PRH1: variants seen among roughly 807,000 people sequenced by gnomAD.
The protein encoded by PRH1 is salivary acidic proline-rich phosphoprotein 1/2.
PRH1 carries 7 observed loss-of-function variants against 7.9 expected under a neutral mutation model. That is an observed-to-expected ratio of 0.89 (90% CI 0.50 to 1.67). The LOEUF (loss-of-function observed/expected upper bound fraction) is 1.67, where lower values mean the gene tolerates loss of function less well. PRH1 is among the 40% of genes most tolerant of loss of function. PRH1 has a pLI of 0.00. For missense variants in PRH1, 109 were observed against 223.6 expected (o/e 0.49, Z 3.27); for synonymous variants, 45 against 80.8 (o/e 0.56, Z 2.38).
intron 1 of PRH1, among the ~76,000 whole-genome samples, chr12:11,132,742 TTC>T (rs1946397574): frequency 6.6e-6 from 1 of 152,260 alleles, no homozygotes; most frequent in South Asian, 2.1e-4. Context: ...GTAACAATAA[TTC>T]TGATTGCTTT....
At chr12:11,027,804 T>A (rs540476951) in intron 1 of PRH1, among the ~76,000 whole-genome samples, 6 of 152,272 alleles carry the variant, frequency 3.9e-5, no homozygotes, top group African/African-American at 1.2e-4. Flanking sequence ...GGAGAGCAAA[T>A]CCCTATGGAA....
At chr12:11,072,338 A>G (rs76291292) in intron 1 of PRH1, among the ~76,000 whole-genome samples, 1 of 151,406 alleles carries the variant, frequency 6.6e-6, no homozygotes, top group Non-Finnish European at 1.5e-5. Flanking sequence ...TGACTCATGT[A>G]CATCCCAAGG....
intron 1 of PRH1, among the ~76,000 whole-genome samples, chr12:11,093,500 C>T (rs1426662297): frequency 8.6e-6 from 1 of 115,890 alleles, no homozygotes; most frequent in African/African-American, 2.9e-5. Flanking sequence ...GTCCTATTTT[C>T]CCGGGTTTTC....
intron 1 of PRH1, among the ~76,000 whole-genome samples, chr12:10,979,451 A>T (rs1939252036): frequency 1.3e-5 from 2 of 152,184 alleles, no homozygotes; most frequent in Admixed American, 1.3e-4. Context: ...AGTGACACAA[A>T]GGCCAATGTT....
At chr12:11,019,929 A>G (rs1341996987) in intron 1 of PRH1, among the ~76,000 whole-genome samples, 1 of 152,284 alleles carries the variant, frequency 6.6e-6, no homozygotes, top group Non-Finnish European at 1.5e-5. Flanking sequence ...CCCTGTGCAA[A>G]TATACCAAAA....
At chr12:11,067,595 C>T (rs1172177700) in intron 1 of PRH1, among the ~76,000 whole-genome samples, 1 of 152,314 alleles carries the variant, frequency 6.6e-6, no homozygotes, top group Non-Finnish European at 1.5e-5. Context: ...GGTCTAGTGG[C>T]TCACATCTGT....
rs1943399078 is a variant in PRH1 at position 11,057,182 on chromosome 12, T to G, written n.124-9994A>C. Reference sequence around the variant, plus strand: ...GCACCACGCCAGCTAATTTTTCAATTTTTTGTAGACATGGAGTTTCCATAT... The same window carrying G: ...GCACCACGCCAGCTAATTTTTCAATGTTTTGTAGACATGGAGTTTCCATAT... On this transcript the variant is annotated intron_variant and non_coding_transcript_variant, in intron 1 of 4. Transcript: ENST00000541977. 4.6e-5 allele frequency among the ~76,000 whole-genome samples: 7 copies of G among 152,084 alleles called. No individual in the cohort carries two copies. In the South Asian group the frequency reaches 1.5e-3, roughly 32 times the overall value.
rs568876081 is a variant in PRH1, at chr12:11,133,417, T to A, written n.40-12237A>T. ...TCTTGTTTCCCAAAATCAGGATGAA[T>A]GGGTGGGTTGAAGGATAGCTGAATA... is the stretch of plus-strand genomic sequence containing the variant. On this transcript the variant is annotated intron_variant and non_coding_transcript_variant, in intron 1 of 1. Transcript: ENST00000541175. 35 of 1,591,190 alleles carry A rather than the reference T, an allele frequency of 2.2e-5. No homozygotes were observed. In the East Asian group the frequency reaches 6.5e-4, roughly 30 times the overall value.
chr12:10,987,729 T>C (rs1939723899), intron 1 of PRH1, among the ~76,000 whole-genome samples: 1 of 152,036 alleles, frequency 6.6e-6, no homozygotes, highest in Non-Finnish European at 1.5e-5. Context: ...ATCAAACATA[T>C]CTTTCATGCT....
chr12:11,124,166 C>A (rs550379505), intron 1 of PRH1, among the ~76,000 whole-genome samples: 1 of 152,334 alleles, frequency 6.6e-6, no homozygotes, highest in South Asian at 2.1e-4. Flanking sequence ...AATCTCCTCA[C>A]AAGGAAACTC....
chr12:11,092,269 T>A (rs1325229322), intron 1 of PRH1: 1 of 1,217,704 alleles, frequency 8.2e-7, no homozygotes, highest in East Asian at 2.4e-5. Context: ...ATGCTGGTGT[T>A]GTGTCCGGAA....
chr12:11,122,210 T>C (rs932260579), intron 1 of PRH1, among the ~76,000 whole-genome samples: 2 of 152,240 alleles, frequency 1.3e-5, no homozygotes, highest in African/African-American at 4.8e-5. Context: ...CCATTTACCA[T>C]AAGGACATCA....
At chr12:11,146,870 AC>A (rs1296581843) in intron 1 of PRH1, among the ~76,000 whole-genome samples, 1 of 152,160 alleles carries the variant, frequency 6.6e-6, no homozygotes, top group African/African-American at 2.4e-5. Flanking sequence ...TTACATGTGC[AC>A]AAAAAGTAAA....
intron 1 of PRH1, among the ~76,000 whole-genome samples, chr12:11,163,398 G>T (rs1253108020): frequency 6.6e-6 from 1 of 152,136 alleles, no homozygotes; most frequent in Non-Finnish European, 1.5e-5. Flanking sequence ...TCTGATGGAT[G>T]ATTTAACTAA....
At chr12:10,903,018 T>C (rs1046555662) in intron 2 of PRH1, among the ~76,000 whole-genome samples, 1 of 152,124 alleles carries the variant, frequency 6.6e-6, no homozygotes, top group Non-Finnish European at 1.5e-5. Flanking sequence ...AATATTAGCC[T>C]TGAATGTAAA....
rs1018839976 is a variant in PRH1 at position 10,978,460 on chromosome 12, G to GAAA, written c.-125-4742_-125-4740dup. On this transcript the variant is annotated intron_variant, in intron 1 of 3. Transcript: ENST00000539853. ...AATGTAAAACCTAAAACTGTAAAAA[G>GAAA]AAAAATAACACCTGAAAAATAACCT... Among the ~76,000 whole-genome samples, 40 of 151,798 alleles carry GAAA rather than the reference G, an allele frequency of 2.6e-4. 1 individual carries two copies. The highest frequency in any genetic ancestry group is 1.1e-3 in the Admixed American group (17 of 15,224).
At chr12:10,888,150 G>A (rs1394053151), upstream of PRH1, among the ~76,000 whole-genome samples, 1 of 151,998 alleles carries the variant, frequency 6.6e-6, no homozygotes, top group East Asian at 1.9e-4. Flanking sequence ...GCATCACGTC[G>A]CCCTTGCACT....
chr12:11,022,020 G>A (rs768870640), intron 1 of PRH1: 37 of 1,613,824 alleles, frequency 2.3e-5, no homozygotes, highest in East Asian at 6.7e-5. Flanking sequence ...AGGGTATGAG[G>A]TTTGCTAGAG....
intron 1 of PRH1, among the ~76,000 whole-genome samples, chr12:11,074,475 T>C (rs1299523556): frequency 1.5e-5 from 2 of 137,776 alleles, no homozygotes; most frequent in Non-Finnish European, 3.2e-5. Context: ...GGCATACTTT[T>C]GTCTGCAAAT....
Sources: allele counts gnomAD v4.1 joint callset (sites outside exome capture counted in the v4.1 genomes callset), GRCh38; gene constraint gnomAD v4.1.1; transcripts MANE v1.5; gene names NCBI Gene and HGNC (gene_info 2026-07-23, HGNC 2026-07-21).